FIGN: variants seen among roughly 807,000 people sequenced by gnomAD.
The protein encoded by FIGN is fidgetin, microtubule severing factor, also known as fidgetin.
A neutral mutation model predicts 51.3 loss-of-function variants in FIGN; 11 were observed. The ratio of observed to expected loss-of-function variants is 0.21; its 90% confidence interval spans 0.13 to 0.35. FIGN has a LOEUF of 0.35. Ranked by LOEUF, FIGN falls within the 10% of genes least tolerant of loss-of-function variation. The pLI is 1.00. For synonymous variants in FIGN, 407 were observed against 363.2 expected (o/e 1.12, Z -1.37); for missense variants, 857 against 943.6 (o/e 0.91, Z 1.20).
At chr2:163,639,642 T>C (rs899000491) in intron 2 of FIGN, among the ~76,000 whole-genome samples, 1 of 152,148 alleles carries the variant, frequency 6.6e-6, no homozygotes, top group Non-Finnish European at 1.5e-5. Flanking sequence ...CTTTACTCTC[T>C]TCAGTGGGGA....
intron 2 of FIGN, among the ~76,000 whole-genome samples, chr2:163,660,836 T>G (rs1456018731): frequency 1.4e-4 from 10 of 73,190 alleles, no homozygotes; most frequent in African/African-American, 3.1e-4. Flanking sequence ...TATGTATACA[T>G]ATATACATAT....
intron 2 of FIGN, among the ~76,000 whole-genome samples, chr2:163,695,947 C>T (rs889389360): frequency 5.9e-5 from 9 of 152,052 alleles, no homozygotes; most frequent in African/African-American, 1.9e-4. Flanking sequence ...AGGGTCTCTA[C>T]TAAATATACA....
At chr2:163,692,765 G>A (rs1252044833) in intron 2 of FIGN, among the ~76,000 whole-genome samples, 1 of 152,188 alleles carries the variant, frequency 6.6e-6, no homozygotes, top group Non-Finnish European at 1.5e-5. Context: ...TAGCTGTGTG[G>A]AGCAAGGTGA....
chr2:163,610,973 G>A lies in FIGN; in HGVS notation c.859C>T (p.Pro287Ser), dbSNP rs1482348264. ...TAGGTGTAGCCAGGAACAGTGGTGG[G>A]GGGTAGGGGGGTGGGAGCAGGAATT... Reference protein sequence around the residue: ...SGIPAPTPLPPTTVPGYTYQG... With the variant: ...SGIPAPTPLPSTTVPGYTYQG... The change falls in exon 3 of 3, where the codon CCC becomes TCC. Residue 287 changes from proline to serine, a missense_variant. This residue lies in a region of FIGN where 799 missense variants were observed against 849.5 expected (regional missense o/e 0.94). Transcript: ENST00000333129. 1.2e-6 allele frequency: 2 copies of A among 1,613,806 alleles called. No homozygotes were observed. The highest frequency in any genetic ancestry group is 1.7e-6 in the Non-Finnish European group (2 of 1,179,996).
intron 2 of FIGN, among the ~76,000 whole-genome samples, chr2:163,704,824 G>T (rs921066543): frequency 2.6e-5 from 4 of 151,922 alleles, no homozygotes; most frequent in African/African-American, 9.7e-5. Context: ...CCCCAACTAA[G>T]TGTTCAAATG....
chr2:163,732,639 G>A (rs972259086), intron 2 of FIGN, among the ~76,000 whole-genome samples: 3 of 152,034 alleles, frequency 2.0e-5, no homozygotes, highest in South Asian at 2.1e-4. Context: ...CAACTGTTAC[G>A]TCCAGAAAAC....
In FIGN at chr2:163,668,768, G is replaced by T. The variant is rs560458027; in HGVS notation, c.26-56962C>A. 3.3e-5 allele frequency among the ~76,000 whole-genome samples: 5 copies of T among 151,840 alleles called. No individual in the cohort carries two copies. In the East Asian group the frequency reaches 9.7e-4, roughly 30 times the overall value. On this transcript the variant is annotated intron_variant, in intron 2 of 2. Transcript: ENST00000333129. ...ATCCTGGCTAACACGGTGAAACCCC[G>T]TCTCTACTAAAAAATACAAAAAATT...
At chr2:163,724,445 A>G (rs1252872146) in intron 2 of FIGN, among the ~76,000 whole-genome samples, 1 of 152,178 alleles carries the variant, frequency 6.6e-6, no homozygotes, top group African/African-American at 2.4e-5. Context: ...TTACATTAGA[A>G]TCATCTGAGG....
intron 2 of FIGN, among the ~76,000 whole-genome samples, chr2:163,668,024 C>CCG (rs945868828): frequency 2.0e-5 from 3 of 149,376 alleles, no homozygotes; most frequent in African/African-American, 7.6e-5. Context: ...ACCCCCCCCC[C>CCG]CAAAAAACCC....
At chr2:163,649,719 G>A (rs189689345) in intron 2 of FIGN, among the ~76,000 whole-genome samples, 19 of 152,242 alleles carry the variant, frequency 1.2e-4, no homozygotes, top group Admixed American at 1.0e-3. Flanking sequence ...CCAAGTTTTG[G>A]GGTATTTTGT....
chr2:163,726,504 T>C (rs1684840058), intron 2 of FIGN, among the ~76,000 whole-genome samples: 1 of 152,106 alleles, frequency 6.6e-6, no homozygotes, highest in African/African-American at 2.4e-5. Context: ...AAATGACTCA[T>C]AAAATATCTT....
At position 163,615,896 on chromosome 2, in the gene FIGN, T is replaced by C. The variant is rs561426356; in HGVS notation, c.26-4090A>G. On this transcript the variant is annotated intron_variant, in intron 2 of 2. Transcript: ENST00000333129. ...TACTTTTGAAAGGATCAGAAAAATCTTAATACAGCTGGCAAATTTCATCAT... is the reference window on the plus strand; with the variant it reads ...TACTTTTGAAAGGATCAGAAAAATCCTAATACAGCTGGCAAATTTCATCAT... 4.6e-5 allele frequency among the ~76,000 whole-genome samples: 7 copies of C among 152,314 alleles called. No homozygotes were observed. In the East Asian group the frequency reaches 1.3e-3, roughly 29 times the overall value.
rs1220145280 is a variant in FIGN, at chr2:163,610,223, T to A, written c.1609A>T (p.Arg537Ter). The change falls in exon 3 of 3, where the codon AGA becomes TGA. Residue 537 changes from arginine to a stop codon, truncating the protein, a stop_gained. Coordinates refer to ENST00000333129, the MANE Select transcript of FIGN (RefSeq NM_018086.4). LOFTEE classifies it high-confidence loss of function. ...PRGTGKTLLG[R>*]CIASQLGATF... Reference sequence around the variant, plus strand: ...GCCCCCAGCTGACTAGCGATGCATCTGCCCAATAATGTTTTGCCTGTCCCC... The same window carrying A: ...GCCCCCAGCTGACTAGCGATGCATCAGCCCAATAATGTTTTGCCTGTCCCC... 6.2e-7 allele frequency: 1 copy of A among 1,614,016 alleles called. No homozygotes were observed. Among genetic ancestry groups the A allele is most frequent in the Admixed American group, 1.7e-5 (1 of 59,992 alleles).
chr2:163,604,950 T>TTTTTTTC lies in FIGN; in HGVS notation c.*4601_*4602insGAAAAAA, dbSNP rs1691057824. On this transcript the variant is annotated 3_prime_UTR_variant, in exon 3 of 3. Coordinates refer to ENST00000333129, the MANE Select transcript of FIGN (RefSeq NM_018086.4). ...ATAAACTTTTGCTTTTTTTTTTTTTTTTTTTGTATCATAAGACAACAAGAA... is the reference window on the plus strand; with the variant it reads ...ATAAACTTTTGCTTTTTTTTTTTTTTTTTTTTCTTTTTGTATCATAAGACAACAAGAA... 6.9e-6 allele frequency: 1 copy of TTTTTTTC among 145,128 alleles called. No individual in the cohort carries two copies. Among genetic ancestry groups the TTTTTTTC allele is most frequent in the Admixed American group, 7.0e-5 (1 of 14,338 alleles). 9.0% of individuals were successfully genotyped at this position (145,128 alleles called of 1,614,324 possible).
At chr2:163,735,784 A>C (rs552085010) in intron 1 of FIGN, 54 bp downstream of exon 1, 1 of 152,780 alleles carries the variant, frequency 6.5e-6, no homozygotes, top group South Asian at 2.1e-4. Flanking sequence ...TTCTTTAAAA[A>C]TAAAACAAAA....
In FIGN at chr2:163,679,774, A is replaced by G. The variant is rs779897785; in HGVS notation, c.25+55129T>C. Among the ~76,000 whole-genome samples the G allele has an allele frequency of 5.9e-5, 9 of 152,342 alleles. 1 individual carries two copies. The highest frequency in any genetic ancestry group is 8.8e-5 in the Non-Finnish European group (6 of 68,030). On this transcript the variant is annotated intron_variant, in intron 2 of 2. Transcript: ENST00000333129. ...TTAAAATGGCTCCATGTCTTTAAAA[A>G]TATGCTAATTGTCCTCTATAATCTG...
At chr2:163,647,467 T>C (rs1683400084) in intron 2 of FIGN, among the ~76,000 whole-genome samples, 1 of 152,100 alleles carries the variant, frequency 6.6e-6, no homozygotes, top group Non-Finnish European at 1.5e-5. Context: ...AGATTAGAGA[T>C]ATGGACAGAA....
chr2:163,701,852 C>T (rs113806489), intron 2 of FIGN, among the ~76,000 whole-genome samples: 2 of 152,122 alleles, frequency 1.3e-5, no homozygotes, highest in Non-Finnish European at 2.9e-5. Flanking sequence ...CTGATTTCCT[C>T]ACAATTCAGT....
At chr2:163,692,971 A>G (rs1245678595) in intron 2 of FIGN, among the ~76,000 whole-genome samples, 1 of 152,220 alleles carries the variant, frequency 6.6e-6, no homozygotes, top group Non-Finnish European at 1.5e-5. Flanking sequence ...TGCAGGTCTA[A>G]AGAGAGTCAG....
Sources: allele counts gnomAD v4.1 joint callset (sites outside exome capture counted in the v4.1 genomes callset), GRCh38; gene constraint gnomAD v4.1.1; regional missense constraint gnomAD v4.1.1; transcripts MANE v1.5; gene names NCBI Gene and HGNC (gene_info 2026-07-23, HGNC 2026-07-21).